TTYH3: variants seen among roughly 807,000 people sequenced by gnomAD.
TTYH3 encodes the protein protein tweety homolog 3.
Under a neutral mutation model 68.2 loss-of-function variants are expected in TTYH3, and 23 were observed. The observed-to-expected ratio is 0.34, with a 90% CI of 0.24 to 0.48. The LOEUF (loss-of-function observed/expected upper bound fraction) is 0.48, where lower values mean the gene tolerates loss of function less well. TTYH3 is among the 20% of genes least tolerant of loss of function. TTYH3 has a pLI of 0.99. For missense variants in TTYH3, 768 were observed against 727.7 expected (o/e 1.06, Z -0.64); for synonymous variants, 360 against 332.8 (o/e 1.08, Z -0.89).
intron 7 of TTYH3, among the ~76,000 whole-genome samples, chr7:2,651,021 C>T (rs1179854253): frequency 6.8e-6 from 1 of 147,992 alleles, no homozygotes; most frequent in African/African-American, 2.5e-5. Context: ...GGGAGCAGGT[C>T]TGGAGGTGGG....
At chr7:2,640,404 G>C (rs1007409678) in intron 1 of TTYH3, among the ~76,000 whole-genome samples, 7 of 61,344 alleles carry the variant, frequency 1.1e-4, no homozygotes, top group Non-Finnish European at 3.0e-4. Flanking sequence ...GTGTGTGTGT[G>C]GGGGGGGACG....
intron 7 of TTYH3, 130 bp from the exon 8 acceptor site, chr7:2,652,057 A>C: frequency 1.3e-6 from 1 of 755,506 alleles, no homozygotes; most frequent in African/African-American, 1.7e-5. Flanking sequence ...AGGTGCACAC[A>C]GACACACATG....
rs546270800 is a variant in TTYH3, at chr7:2,656,364, CTCTGG to C, written c.1114-33_1114-29del. ...ACGCTGCCCCCTCCACCCTCCCTGT[CTCTGG>C]ATCCTGCCATCTCATCCCACGGCCT... is the stretch of plus-strand genomic sequence containing the variant. On this transcript the variant is annotated intron_variant, in intron 10 of 13. Coordinates refer to ENST00000258796, the MANE Select transcript of TTYH3 (RefSeq NM_025250.3). 706 of 1,598,384 alleles carry C rather than the reference CTCTGG, an allele frequency of 4.4e-4. 12 individuals carry two copies. The East Asian group carries it at 0.015, about 33-fold the overall frequency.
intron 1 of TTYH3, among the ~76,000 whole-genome samples, chr7:2,643,345 A>C (rs1583560895): frequency 2.4e-5 from 3 of 125,982 alleles, no homozygotes; most frequent in African/African-American, 7.0e-5. Context: ...ACAGAGCGAG[A>C]CTCTGTCTCA....
chr7:2,641,776 G>T (rs1473508671), intron 1 of TTYH3, among the ~76,000 whole-genome samples: 2 of 152,234 alleles, frequency 1.3e-5, no homozygotes, highest in African/African-American at 2.4e-5. Flanking sequence ...CGGGAAGTGG[G>T]TGCAGAGGCC....
chr7:2,658,504 C>T (rs376701536), intron 12 of TTYH3, 45 bp downstream of exon 12: 58 of 1,564,818 alleles, frequency 3.7e-5, no homozygotes, highest in Admixed American at 1.4e-4. Flanking sequence ...ACGTCAGCTG[C>T]GGCTGAGAGC....
rs1786031003 is a variant in TTYH3, at chr7:2,647,503, C to T, written c.491C>T (p.Pro164Leu). Residue 164 changes from proline (P) to leucine (L), a missense_variant, in exon 4 of 14, where the codon CCC becomes CTC. Coordinates refer to ENST00000258796, the MANE Select transcript of TTYH3 (RefSeq NM_025250.3). The stretch of plus-strand genomic sequence containing the variant: ...CGGCAGCTGGCCGGGCGGCCCGAGC[C>T]CCTGCGAGCCGTACAGAGGCTGCAG... Reference protein sequence around the residue: ...LERQLAGRPEPLRAVQRLQGL... With the variant: ...LERQLAGRPELLRAVQRLQGL... The T allele has an allele frequency of 6.5e-7, 1 of 1,541,138 alleles. No homozygotes were observed. The highest frequency in any genetic ancestry group is 2.0e-5 in the Admixed American group (1 of 50,900).
chr7:2,632,125 C>T lies in TTYH3; in HGVS notation c.-31C>T. On this transcript the variant is annotated 5_prime_UTR_variant, in exon 1 of 14. Coordinates refer to ENST00000258796, the MANE Select transcript of TTYH3 (RefSeq NM_025250.3). ...GCCAGCAAGGGAGCCCCGCGCAGGC[C>T]GCGCGCATCCGGAGGCGGCCGGGCC... is the stretch of plus-strand genomic sequence containing the variant. 7.4e-7 allele frequency: 1 copy of T among 1,352,896 alleles called. No homozygotes were observed. Among genetic ancestry groups the T allele is most frequent in the Non-Finnish European group, 9.6e-7 (1 of 1,044,618 alleles). The allele number at this position is 1,352,896 out of a possible 1,614,324, so 83.8% of individuals were successfully genotyped here.
intron 5 of TTYH3, among the ~76,000 whole-genome samples, chr7:2,649,084 G>T (rs1260407769): frequency 2.0e-5 from 3 of 152,082 alleles, no homozygotes; most frequent in Non-Finnish European, 4.4e-5. Context: ...CTGGATCAAA[G>T]GGAGCCAGAT....
chr7:2,659,501 TC>T (rs1478441506), intron 13 of TTYH3, among the ~76,000 whole-genome samples: 1 of 152,204 alleles, frequency 6.6e-6, no homozygotes, highest in African/African-American at 2.4e-5. Context: ...TTCTTTTTCT[TC>T]CTTGAGTCTT....
chr7:2,647,842 C>G, intron 4 of TTYH3, 117 bp from the exon 5 acceptor site: 8 of 1,254,862 alleles, frequency 6.4e-6, no homozygotes, highest in Non-Finnish European at 9.1e-6. Flanking sequence ...CCCAGACGCT[C>G]TGAATGCCCT....
rs770769646 is a variant in TTYH3 at position 2,658,282 on chromosome 7, A to G, written c.1251-4A>G. 2.6e-6 allele frequency: 4 copies of G among 1,558,968 alleles called. No homozygotes were observed. In the Admixed American group the frequency reaches 7.5e-5, roughly 29 times the overall value. On this transcript the variant is annotated splice_polypyrimidine_tract_variant and splice_region_variant and intron_variant, in intron 11 of 13. Transcript: ENST00000258796. ...GAGCCCGTGCTGCGTGTCCCTCCTC[A>G]CAGAGGCCCTGATGAGGACGGGGAG...
At chr7:2,637,910 G>A (rs924175070) in intron 1 of TTYH3, among the ~76,000 whole-genome samples, 2 of 152,202 alleles carry the variant, frequency 1.3e-5, no homozygotes, top group African/African-American at 2.4e-5. Context: ...CATGTTGGCC[G>A]AGGGTGTGGG....
chr7:2,651,538 G>T (rs1325871506), intron 7 of TTYH3, among the ~76,000 whole-genome samples: 1 of 152,062 alleles, frequency 6.6e-6, no homozygotes, highest in Non-Finnish European at 1.5e-5. Context: ...GGCGGCCTTT[G>T]GGGGGATCTC....
Position 2,649,584 on chromosome 7 carries a change from T to A in TTYH3, c.740T>A (p.Val247Asp). The change falls in exon 6 of 14, where the codon GTC becomes GAC. Residue 247 changes from valine to aspartate, a missense_variant. Physicochemically the swap from Val to Asp is radical, Grantham distance 152 (BLOSUM62 -3). Transcript: ENST00000258796. ...GILVGVCLLGVLALVISWGAL... is the reference protein window; with the variant it reads ...GILVGVCLLGDLALVISWGAL... ...TGCCCCAGGGTCTGCCTGCTGGGAG[T>A]CCTGGCCCTGGTCATCAGCTGGGGC... 2 of 1,593,162 alleles carry A rather than the reference T, an allele frequency of 1.3e-6. No individual in the cohort carries two copies. The highest frequency in any genetic ancestry group is 1.7e-6 in the Non-Finnish European group (2 of 1,175,482).
At position 2,646,972 on chromosome 7, in the gene TTYH3, C is replaced by G. The variant is rs912244104; in HGVS notation, c.243C>G (p.Ala81=). Reference sequence around the variant, plus strand: ...GCAAGAGCGAGGAGCACCTGGACGCCGACTGCTGCTGCACGGCCTGGTGTG... The same window carrying G: ...GCAAGAGCGAGGAGCACCTGGACGCGGACTGCTGCTGCACGGCCTGGTGTG... ...RRRKSEEHLD[A]DCCCTAWCVI... The change falls in exon 2 of 14, where the codon GCC becomes GCG. Residue 81 remains alanine (A), a synonymous_variant. Coordinates refer to ENST00000258796, the MANE Select transcript of TTYH3 (RefSeq NM_025250.3). 30 of 1,595,964 alleles carry G rather than the reference C, an allele frequency of 1.9e-5. No homozygotes were observed. The highest frequency in any genetic ancestry group is 1.6e-4 in the Middle Eastern group (1 of 6,068).
At position 2,652,731 on chromosome 7, in the gene TTYH3, C is replaced by T. The variant is rs952848918; in HGVS notation, c.928-187C>T. ...GTGGTTGGCTGTTACCACCTCAGGGCTCTGTGGTCTCTGGGTGTGTCCCGG... is the reference window on the plus strand; with the variant it reads ...GTGGTTGGCTGTTACCACCTCAGGGTTCTGTGGTCTCTGGGTGTGTCCCGG... On this transcript the variant is annotated intron_variant, in intron 8 of 13. Coordinates refer to ENST00000258796, the MANE Select transcript of TTYH3 (RefSeq NM_025250.3). 15 of 596,114 alleles carry T rather than the reference C, an allele frequency of 2.5e-5. No individual in the cohort carries two copies. The African/African-American group carries it at 2.6e-4, about 10-fold the overall frequency. 36.9% of individuals were successfully genotyped at this position (596,114 alleles called of 1,614,324 possible).
rs115633013 is a variant in TTYH3 at position 2,658,421 on chromosome 7, G to C, written c.1386G>C (p.Ala462=). 1 of 1,612,118 alleles carries C rather than the reference G, an allele frequency of 6.2e-7. No homozygotes were observed. Among genetic ancestry groups the C allele is most frequent in the Non-Finnish European group, 8.5e-7 (1 of 1,179,676 alleles). The change falls in exon 12 of 14, where the codon GCG becomes GCC. Residue 462 remains alanine (A), a synonymous_variant. Transcript: ENST00000258796. Reference sequence around the variant, plus strand: ...GCAGTGAGACCAGCATCCCGGCCGCGGCCCACACCGTCAGCAACGCCCCGG... The same window carrying C: ...GCAGTGAGACCAGCATCCCGGCCGCCGCCCACACCGTCAGCAACGCCCCGG... ...SYGSETSIPA[A]AHTVSNAPVT... is the part of the protein sequence containing the mutation.
chr7:2,649,702 G>A lies in TTYH3; in HGVS notation c.795+63G>A. ...CCTGGGCACTGGGGGAGGGACGAGGGGAAGCCACACTCCTCTCCCCTCCCA... is the reference window on the plus strand; with the variant it reads ...CCTGGGCACTGGGGGAGGGACGAGGAGAAGCCACACTCCTCTCCCCTCCCA... On this transcript the variant is annotated intron_variant, in intron 6 of 13. Coordinates refer to ENST00000258796, the MANE Select transcript of TTYH3 (RefSeq NM_025250.3). The A allele has an allele frequency of 2.6e-6, 4 of 1,547,962 alleles. No individual in the cohort carries two copies. The Admixed American group carries it at 7.5e-5, about 29-fold the overall frequency.
Sources: gnomAD v4.1 joint callset for allele counts (sites outside exome capture counted in the v4.1 genomes callset) on GRCh38, gnomAD v4.1.1 for gene constraint, MANE v1.5 for transcripts, NCBI Gene and HGNC (gene_info 2026-07-23, HGNC 2026-07-21) for gene names.